The following DDX4 variants were observed in gnomAD, a reference collection of about 807,000 sequenced individuals.
The protein encoded by DDX4 is probable ATP-dependent RNA helicase DDX4.
A neutral mutation model predicts 100.0 loss-of-function variants in DDX4; 25 were observed. The ratio of observed to expected loss-of-function variants is 0.25; its 90% CI spans 0.18 to 0.35. The LOEUF (loss-of-function observed/expected upper bound fraction) is 0.35, where lower values mean the gene tolerates loss of function less well. Among genes scored for constraint, DDX4 ranks in the 10% least tolerant of loss-of-function variants. The probability of loss-of-function intolerance (pLI) is 1.00; values close to 1 mark genes in which losing one functional copy is unlikely to be tolerated. For missense variants in DDX4, 635 were observed against 882.4 expected (o/e 0.72, Z 3.55); for synonymous variants, 259 against 275.7 (o/e 0.94, Z 0.60).
chr5:55,766,825 A>G, intron 6 of DDX4: 1 of 1,357,540 alleles, frequency 7.4e-7, no homozygotes, highest in Non-Finnish European at 9.7e-7. Context: ...TGTATTCCCA[A>G]ATGTGACTTT....
chr5:55,809,589 A>G (rs1419381244), intron 18 of DDX4, among the ~76,000 whole-genome samples: 1 of 152,240 alleles, frequency 6.6e-6, no homozygotes, highest in African/African-American at 2.4e-5. Context: ...TTTACCTCTC[A>G]GACCTCTTTA....
intron 18 of DDX4, among the ~76,000 whole-genome samples, chr5:55,802,924 CT>C (rs2112128708): frequency 6.6e-6 from 1 of 151,780 alleles, no homozygotes; most frequent in South Asian, 2.1e-4. Context: ...TCTGATTAAG[CT>C]TATTTTCTTT....
chr5:55,740,358 G>A (rs1257938345), intron 2 of DDX4, among the ~76,000 whole-genome samples: 2 of 151,148 alleles, frequency 1.3e-5, no homozygotes, highest in Admixed American at 1.3e-4. Context: ...GTAGAGATGG[G>A]GTTTCCCCAT....
chr5:55,748,977 C>T (rs893972335), intron 3 of DDX4, among the ~76,000 whole-genome samples: 2 of 152,158 alleles, frequency 1.3e-5, no homozygotes, highest in African/African-American at 4.8e-5. Context: ...TTTAGACATG[C>T]GTCTTTTCAT....
chr5:55,809,591 A>C (rs1404521342), intron 18 of DDX4, among the ~76,000 whole-genome samples: 2 of 152,194 alleles, frequency 1.3e-5, no homozygotes, highest in African/African-American at 4.8e-5. Context: ...TACCTCTCAG[A>C]CCTCTTTAGA....
chr5:55,747,630 C>T (rs949755438), intron 3 of DDX4, among the ~76,000 whole-genome samples: 3 of 152,224 alleles, frequency 2.0e-5, no homozygotes, highest in Non-Finnish European at 4.4e-5. Context: ...CAGCAGCATT[C>T]AGTACAGTCT....
At chr5:55,782,251 T>G in intron 10 of DDX4, 1 of 337,014 alleles carries the variant, frequency 3.0e-6, no homozygotes, top group Non-Finnish European at 5.4e-6. Flanking sequence ...TACAAGGATG[T>G]TCACTGAGAT....
intron 18 of DDX4, among the ~76,000 whole-genome samples, chr5:55,805,753 A>G (rs1038491095): frequency 6.6e-6 from 1 of 152,202 alleles, no homozygotes; most frequent in African/African-American, 2.4e-5. Context: ...TTTTTGCATC[A>G]ATGTTCATCA....
chr5:55,761,198 C>T (rs554996275), intron 4 of DDX4, among the ~76,000 whole-genome samples: 265 of 152,162 alleles, frequency 1.7e-3, no homozygotes, highest in Non-Finnish European at 1.7e-3. Context: ...TTTAAGCCTG[C>T]ATATTAAGAT....
At chr5:55,776,497 C>T (rs1741574575) in intron 7 of DDX4, among the ~76,000 whole-genome samples, 1 of 152,046 alleles carries the variant, frequency 6.6e-6, no homozygotes, top group African/African-American at 2.4e-5. Context: ...TATAGTATTA[C>T]AAAGATTTTT....
chr5:55,784,943 A>G (rs746465340), intron 10 of DDX4, among the ~76,000 whole-genome samples: 4 of 152,238 alleles, frequency 2.6e-5, no homozygotes, highest in Admixed American at 6.5e-5. Flanking sequence ...AACCATGAGT[A>G]TGACTATATT....
intron 18 of DDX4, among the ~76,000 whole-genome samples, chr5:55,811,656 T>C (rs975262599): frequency 7.9e-5 from 12 of 152,194 alleles, no homozygotes; most frequent in Admixed American, 6.5e-4. Context: ...CAACCACTTA[T>C]GTTAATTATA....
intron 18 of DDX4, among the ~76,000 whole-genome samples, chr5:55,805,754 A>G (rs896819228): frequency 6.6e-6 from 1 of 152,212 alleles, no homozygotes. Context: ...TTTTGCATCA[A>G]TGTTCATCAG....
chr5:55,757,142 G>C (rs1189308723), intron 3 of DDX4, among the ~76,000 whole-genome samples: 1 of 151,964 alleles, frequency 6.6e-6, no homozygotes, highest in Non-Finnish European at 1.5e-5. Context: ...AGGTTTTTGG[G>C]GAACAGGTGG....
At chr5:55,754,806 A>G (rs942736858) in intron 3 of DDX4, among the ~76,000 whole-genome samples, 8 of 150,034 alleles carry the variant, frequency 5.3e-5, no homozygotes, top group Non-Finnish European at 1.2e-4. Flanking sequence ...CTGGTCCTGG[A>G]CTCTTTTTGG....
At chr5:55,796,206 T>C (rs752152057) in intron 17 of DDX4, among the ~76,000 whole-genome samples, 5 of 152,178 alleles carry the variant, frequency 3.3e-5, no homozygotes. Context: ...GGGTGGGCCT[T>C]CTTCTCCCAG....
chr5:55,816,098 G>A (rs890121075), intron 21 of DDX4, among the ~76,000 whole-genome samples: 1 of 152,000 alleles, frequency 6.6e-6, no homozygotes, highest in African/African-American at 2.4e-5. Flanking sequence ...GAGGCTACAA[G>A]TCTTTTCTGG....
chr5:55,738,573 A>G (rs996451754), intron 1 of DDX4, among the ~76,000 whole-genome samples: 2 of 152,158 alleles, frequency 1.3e-5, no homozygotes, highest in African/African-American at 4.8e-5. Context: ...AATCATGCGA[A>G]GGGAGAAATC....
intron 17 of DDX4, among the ~76,000 whole-genome samples, chr5:55,796,260 G>T (rs1370891541): frequency 6.6e-6 from 1 of 152,136 alleles, no homozygotes; most frequent in Middle Eastern, 3.2e-3. Context: ...CACCCTCAGA[G>T]ACACATCCAG....
Sources: gnomAD v4.1 joint callset for allele counts (sites outside exome capture counted in the v4.1 genomes callset) on GRCh38, gnomAD v4.1.1 for gene constraint, MANE v1.5 for transcripts, NCBI Gene and HGNC (gene_info 2026-07-23, HGNC 2026-07-21) for gene names.